LPP: variants seen among roughly 807,000 people sequenced by gnomAD.
The protein encoded by LPP is lipoma-preferred partner.
LPP carries 38 observed loss-of-function variants against 60.4 expected under a neutral mutation model. That is an observed-to-expected ratio of 0.63 (90% CI 0.49 to 0.83). The LOEUF is 0.83. Among genes scored for constraint, LPP ranks in the 40% least tolerant of loss-of-function variants. The probability of loss-of-function intolerance (pLI) is 0.00; values close to 1 mark genes in which losing one functional copy is unlikely to be tolerated. For synonymous variants in LPP, 328 were observed against 290.8 expected, an observed-to-expected ratio of 1.13 and a Z score of -1.30; for missense variants, 902 against 783.6, an observed-to-expected ratio of 1.15 and a Z score of -1.80.
At chr3:188,528,123 G>A (rs1821152652) in intron 6 of LPP, among the ~76,000 whole-genome samples, 2 of 152,144 alleles carry the variant, frequency 1.3e-5, no homozygotes, top group African/African-American at 4.8e-5. Context: ...TGAGCATAGA[G>A]TATCAGAGCT....
rs149013191 is a variant in LPP, at chr3:188,350,861, TCACCCTTC to T, written c.-10+9147_-10+9154del. On this transcript the variant is annotated intron_variant, in intron 3 of 11. Coordinates refer to ENST00000617246, the MANE Select transcript of LPP (RefSeq NM_001375462.1). ...GAGATTTAACTATCCCAGATATTGA[TCACCCTTC>T]CACCACAGAGGGCCAGCTCTTATAA... 6.1e-3 allele frequency among the ~76,000 whole-genome samples: 924 copies of T among 152,268 alleles called. 5 individuals carry two copies. Among genetic ancestry groups the T allele is most frequent in the African/African-American group, 0.021 (867 of 41,542 alleles).
chr3:188,470,945 A>G (rs1429128531), intron 4 of LPP, among the ~76,000 whole-genome samples: 1 of 152,200 alleles, frequency 6.6e-6, no homozygotes. Context: ...AACAAAGCTT[A>G]TCAAGTTTCT....
intron 2 of LPP, among the ~76,000 whole-genome samples, chr3:188,330,233 T>G (rs924971830): frequency 5.3e-5 from 8 of 152,242 alleles, no homozygotes; most frequent in African/African-American, 1.7e-4. Flanking sequence ...CTACATGTTC[T>G]TTTAAATATG....
At chr3:188,220,531 C>T (rs189235266) in intron 1 of LPP, among the ~76,000 whole-genome samples, 26 of 152,296 alleles carry the variant, frequency 1.7e-4, no homozygotes, top group Non-Finnish European at 2.2e-4. Flanking sequence ...TCTCATGTCA[C>T]GAGGTTTCAG....
chr3:188,264,956 A>G (rs1038187514), intron 2 of LPP, among the ~76,000 whole-genome samples: 1 of 152,158 alleles, frequency 6.6e-6, no homozygotes, highest in Non-Finnish European at 1.5e-5. Flanking sequence ...TGTGTCTTAG[A>G]TTTATTTACC....
At chr3:188,866,993 A>T (rs1484496565) in intron 10 of LPP, among the ~76,000 whole-genome samples, 1 of 151,984 alleles carries the variant, frequency 6.6e-6, no homozygotes, top group African/African-American at 2.4e-5. Flanking sequence ...TCTCTTTCTC[A>T]AGTTATTTTT....
intron 4 of LPP, among the ~76,000 whole-genome samples, chr3:188,420,110 A>G (rs966766815): frequency 6.6e-6 from 1 of 152,072 alleles, no homozygotes; most frequent in African/African-American, 2.4e-5. Context: ...ATAAAATTTT[A>G]ATTATAAAAT....
At chr3:188,160,114 T>C (rs1717781643) in intron 1 of LPP, among the ~76,000 whole-genome samples, 1 of 151,744 alleles carries the variant, frequency 6.6e-6, no homozygotes, top group Non-Finnish European at 1.5e-5. Flanking sequence ...AGTTTCACCA[T>C]GTTGGCCAGG....
Position 188,803,045 on chromosome 3 carries a change from C to CTTTTTTTT in LPP, c.1410+42773_1410+42780dup, listed in dbSNP as rs374563246. ...GATTAAAATACTTTTGTTGTATATG[C>CTTTTTTTT]TTTTTTTTTTTTTTTTTGAGACAGG... is the stretch of plus-strand genomic sequence containing the variant. On this transcript the variant is annotated intron_variant, in intron 9 of 11. Transcript: ENST00000617246. Among the ~76,000 whole-genome samples, 6 of 130,476 alleles carry CTTTTTTTT rather than the reference C, an allele frequency of 4.6e-5. 1 individual carries two copies. Among genetic ancestry groups the CTTTTTTTT allele is most frequent in the Non-Finnish European group, 8.0e-5 (5 of 62,748 alleles). 85.6% of individuals were successfully genotyped at this position (130,476 alleles called of 152,430 possible).
At chr3:188,240,499 C>G (rs1723963486) in intron 2 of LPP, among the ~76,000 whole-genome samples, 5 of 152,180 alleles carry the variant, frequency 3.3e-5, no homozygotes, top group South Asian at 2.1e-4. Flanking sequence ...CTTATACGTA[C>G]TGAATTTGAC....
chr3:188,376,509 C>G (rs1034121584), intron 3 of LPP, among the ~76,000 whole-genome samples: 6 of 152,114 alleles, frequency 3.9e-5, no homozygotes, highest in Non-Finnish European at 7.3e-5. Context: ...TCTGTTTTAT[C>G]AGAGACTAGG....
intron 6 of LPP, among the ~76,000 whole-genome samples, chr3:188,594,121 T>C (rs778908427): frequency 5.9e-5 from 9 of 152,160 alleles, no homozygotes; most frequent in Non-Finnish European, 1.2e-4. Flanking sequence ...CTTAGAACAA[T>C]GGTACTCAAA....
chr3:188,646,561 A>G (rs1408195720), intron 7 of LPP, among the ~76,000 whole-genome samples: 1 of 152,204 alleles, frequency 6.6e-6, no homozygotes, highest in Admixed American at 6.5e-5. Context: ...GTTGCCTATA[A>G]AGGCAAGGAT....
chr3:188,479,772 T>C (rs750704122), intron 4 of LPP, among the ~76,000 whole-genome samples: 3 of 152,240 alleles, frequency 2.0e-5, no homozygotes, highest in Non-Finnish European at 4.4e-5. Context: ...GTGTAGGTTT[T>C]ATATGGATAT....
chr3:188,624,854 A>G (rs1846528746), intron 7 of LPP, among the ~76,000 whole-genome samples: 1 of 134,946 alleles, frequency 7.4e-6, no homozygotes. Context: ...TAATCTGCAG[A>G]CAGTGACTCT....
At chr3:188,443,867 A>C (rs1432552554) in intron 4 of LPP, among the ~76,000 whole-genome samples, 3 of 152,182 alleles carry the variant, frequency 2.0e-5, no homozygotes, top group Non-Finnish European at 4.4e-5. Flanking sequence ...TTCATCCCTT[A>C]GCTTTCCTCC....
At chr3:188,633,919 G>A (rs371192433) in intron 7 of LPP, among the ~76,000 whole-genome samples, 3 of 152,028 alleles carry the variant, frequency 2.0e-5, no homozygotes, top group East Asian at 3.9e-4. Flanking sequence ...TTTTCACTTT[G>A]TTCCAGACAT....
chr3:188,222,304 G>A (rs1417774511), intron 1 of LPP, among the ~76,000 whole-genome samples: 2 of 152,146 alleles, frequency 1.3e-5, no homozygotes, highest in African/African-American at 2.4e-5. Flanking sequence ...CTTACAAGAC[G>A]TGGTTTTAGT....
At chr3:188,318,743 A>C (rs1481290318) in intron 2 of LPP, among the ~76,000 whole-genome samples, 1 of 148,392 alleles carries the variant, frequency 6.7e-6, no homozygotes, top group Non-Finnish European at 1.5e-5. Flanking sequence ...ATTGAAAAAA[A>C]ATTATGATTC....
Sources: gnomAD v4.1 joint callset for allele counts (sites outside exome capture counted in the v4.1 genomes callset) on GRCh38, gnomAD v4.1.1 for gene constraint, MANE v1.5 for transcripts, NCBI Gene and HGNC (gene_info 2026-07-23, HGNC 2026-07-21) for gene names.